The following VGLL3 variants were observed in gnomAD, a reference collection of about 807,000 sequenced individuals.
VGLL3 encodes the protein transcription cofactor vestigial-like protein 3.
A neutral mutation model predicts 29.2 loss-of-function variants in VGLL3; 18 were observed. The ratio of observed to expected loss-of-function variants is 0.62; its 90% CI spans 0.43 to 0.91. The LOEUF is 0.91. Ranked by LOEUF, VGLL3 falls within the 40% of genes least tolerant of loss-of-function variation. VGLL3 has a pLI of 0.00. For synonymous variants in VGLL3, 180 were observed against 151.8 expected (o/e 1.19, Z -1.36); for missense variants, 440 against 413.2 (o/e 1.06, Z -0.56).
chr3:86,947,796 T>G (rs1704536402), intron 3 of VGLL3, among the ~76,000 whole-genome samples: 1 of 152,042 alleles, frequency 6.6e-6, no homozygotes, highest in Admixed American at 6.6e-5. Context: ...ATAGATTAAT[T>G]CAAACTCAAA....
chr3:86,987,179 T>C (rs947874977), intron 1 of VGLL3, among the ~76,000 whole-genome samples: 2 of 152,196 alleles, frequency 1.3e-5, no homozygotes, highest in African/African-American at 4.8e-5. Flanking sequence ...ATCCATTTTC[T>C]CACTTGTAAA....
intron 3 of VGLL3, among the ~76,000 whole-genome samples, chr3:86,966,806 T>TATAG (rs1704974831): frequency 8.5e-6 from 1 of 117,838 alleles, no homozygotes; most frequent in African/African-American, 3.2e-5. Context: ...TATATATATA[T>TATAG]ATATATATAT....
At chr3:86,965,428 A>G (rs1704937779) in intron 3 of VGLL3, among the ~76,000 whole-genome samples, 1 of 152,010 alleles carries the variant, frequency 6.6e-6, no homozygotes, top group African/African-American at 2.4e-5. Flanking sequence ...ACACAGAGGG[A>G]CCCAACTTTC....
In VGLL3 at chr3:86,966,769, GTGTGTATATA is replaced by G. The variant is rs1396276285; in HGVS notation, c.937+1811_937+1820del. Among the ~76,000 whole-genome samples, 21 of 65,820 alleles carry G rather than the reference GTGTGTATATA, an allele frequency of 3.2e-4. 1 individual carries two copies. The highest frequency in any genetic ancestry group is 1.1e-3 in the African/African-American group (20 of 18,808). 43.2% of individuals were successfully genotyped at this position (65,820 alleles called of 152,430 possible). A position where few individuals can be genotyped will look rare whatever the true frequency, so the allele number is the denominator to read the frequency against. Reference sequence around the variant, plus strand: ...TTAAGAACTTAAAGTAATAGTGTGTGTGTGTATATATATATATATATATATATATATATAT... The same window carrying G: ...TTAAGAACTTAAAGTAATAGTGTGTGTATATATATATATATATATATATAT... On this transcript the variant is annotated intron_variant, in intron 3 of 3. Transcript: ENST00000398399.
chr3:86,957,365 A>C (rs1704745444), intron 3 of VGLL3, among the ~76,000 whole-genome samples: 2 of 152,250 alleles, frequency 1.3e-5, no homozygotes. Flanking sequence ...TGACAGATGC[A>C]TTCACAGCTT....
chr3:86,982,118 T>C (rs758552408), intron 1 of VGLL3, among the ~76,000 whole-genome samples: 2 of 152,154 alleles, frequency 1.3e-5, no homozygotes, highest in Non-Finnish European at 2.9e-5. Flanking sequence ...CTGTGTTCTG[T>C]TGACTGTAAA....
rs1270842774 is a variant in VGLL3 at position 86,940,177 on chromosome 3, G to T, written c.*6847C>A. The T allele has an allele frequency of 5.9e-5, 9 of 152,090 alleles. No homozygotes were observed. The allele number at this position is 152,090 out of a possible 1,614,324, so 9.4% of individuals were successfully genotyped here. A position where few individuals can be genotyped will look rare whatever the true frequency, so the allele number is the denominator to read the frequency against. On this transcript the variant is annotated 3_prime_UTR_variant, in exon 4 of 4. Transcript: ENST00000398399. ...AGATACGTGTAATAAGAAAATTGAAGGCCCACTTAGAGAAACTCTAGCTTT... is the reference window on the plus strand; with the variant it reads ...AGATACGTGTAATAAGAAAATTGAATGCCCACTTAGAGAAACTCTAGCTTT...
rs1048445563 is a variant in VGLL3, at chr3:86,978,521, C to A, written c.403+5G>T. On this transcript the variant is annotated splice_donor_5th_base_variant and intron_variant, in intron 2 of 3. Coordinates refer to ENST00000398399, the MANE Select transcript of VGLL3 (RefSeq NM_016206.4). ...CCTGGAGAACATCTGCTTTTGAATT[C>A]TTACCTCGCCATAGGGGGGTTAGCC... The A allele has an allele frequency of 3.1e-6, 5 of 1,612,920 alleles. No homozygotes were observed. The African/African-American group carries it at 6.7e-5, about 22-fold the overall frequency.
At chr3:86,984,262 A>T (rs989962077) in intron 1 of VGLL3, among the ~76,000 whole-genome samples, 1 of 152,236 alleles carries the variant, frequency 6.6e-6, no homozygotes, top group Non-Finnish European at 1.5e-5. Context: ...TTGACCAGTC[A>T]GTCTGTGAGA....
Position 86,944,418 on chromosome 3 carries a change from C to A in VGLL3, c.*2606G>T. The A allele has an allele frequency of 6.6e-6, 1 of 152,248 alleles. No individual in the cohort carries two copies. The highest frequency in any genetic ancestry group is 1.9e-4 in the East Asian group (1 of 5,186). The allele number at this position is 152,248 out of a possible 1,614,324, so 9.4% of individuals were successfully genotyped here. ...GCCCCACAATGCCCAGGTAATTTTT[C>A]AGAAATTTTTTGTAGGGATAGGGTC... On this transcript the variant is annotated 3_prime_UTR_variant, in exon 4 of 4. Coordinates refer to ENST00000398399, the MANE Select transcript of VGLL3 (RefSeq NM_016206.4).
At position 86,946,077 on chromosome 3, in the gene VGLL3, T is replaced by A. The variant is rs974718425; in HGVS notation, c.*947A>T. 6.6e-6 allele frequency: 1 copy of A among 152,162 alleles called. No homozygotes were observed. The highest frequency in any genetic ancestry group is 1.9e-4 in the East Asian group (1 of 5,192). The allele number at this position is 152,162 out of a possible 1,614,324, so 9.4% of individuals were successfully genotyped here. A position where few individuals can be genotyped will look rare whatever the true frequency, so the allele number is the denominator to read the frequency against. On this transcript the variant is annotated 3_prime_UTR_variant, in exon 4 of 4. Coordinates refer to ENST00000398399, the MANE Select transcript of VGLL3 (RefSeq NM_016206.4). ...AAGTCACTGGCACTCATAGGTGGCA[T>A]GGTTAAATGCATTTTTTTCCTTGTA...
Position 86,947,071 on chromosome 3 carries a change from G to T in VGLL3, c.938-4C>A, listed in dbSNP as rs908682458. ...CTCTTGTCTTGATGCTGTAGACCTGGAACAAATGACAATGGGGAAAAAATA... is the reference window on the plus strand; with the variant it reads ...CTCTTGTCTTGATGCTGTAGACCTGTAACAAATGACAATGGGGAAAAAATA... On this transcript the variant is annotated splice_polypyrimidine_tract_variant and splice_region_variant and intron_variant, in intron 3 of 3. Coordinates refer to ENST00000398399, the MANE Select transcript of VGLL3 (RefSeq NM_016206.4). 1 of 780,222 alleles carries T rather than the reference G, an allele frequency of 1.3e-6. No homozygotes were observed. The highest frequency in any genetic ancestry group is 1.7e-5 in the African/African-American group (1 of 59,204). 48.3% of individuals were successfully genotyped at this position (780,222 alleles called of 1,614,324 possible). A position where few individuals can be genotyped will look rare whatever the true frequency, so the allele number is the denominator to read the frequency against.
At chr3:86,988,209 C>T (rs948630090) in intron 1 of VGLL3, among the ~76,000 whole-genome samples, 2 of 152,048 alleles carry the variant, frequency 1.3e-5, no homozygotes, top group African/African-American at 4.8e-5. Context: ...TTCTTGATTG[C>T]TGTTACTTTT....
chr3:86,943,114 A>G lies in VGLL3; in HGVS notation c.*3910T>C, dbSNP rs1310862700. 6.6e-6 allele frequency: 1 copy of G among 152,188 alleles called. No homozygotes were observed. Among genetic ancestry groups the G allele is most frequent in the African/African-American group, 2.4e-5 (1 of 41,446 alleles). The allele number at this position is 152,188 out of a possible 1,614,324, so 9.4% of individuals were successfully genotyped here. A position where few individuals can be genotyped will look rare whatever the true frequency, so the allele number is the denominator to read the frequency against. ...ATAAATAAATGAAGCCCCAAACCACACATAAACTTTTGGCTAAACTAGAAT... is the reference window on the plus strand; with the variant it reads ...ATAAATAAATGAAGCCCCAAACCACGCATAAACTTTTGGCTAAACTAGAAT... On this transcript the variant is annotated 3_prime_UTR_variant, in exon 4 of 4. Coordinates refer to ENST00000398399, the MANE Select transcript of VGLL3 (RefSeq NM_016206.4).
chr3:86,968,524 C>A, intron 3 of VGLL3, 66 bp downstream of exon 3: 2 of 1,500,420 alleles, frequency 1.3e-6, no homozygotes, highest in Non-Finnish European at 1.8e-6. Context: ...AATTTCAAAA[C>A]AAATTTCCAC....
intron 3 of VGLL3, among the ~76,000 whole-genome samples, chr3:86,967,634 A>C (rs888071460): frequency 1.6e-4 from 25 of 152,200 alleles, no homozygotes; most frequent in Non-Finnish European, 7.3e-5. Flanking sequence ...GAAGGAAAGA[A>C]TTTCTTTAAG....
At chr3:86,984,092 G>A (rs1705386476) in intron 1 of VGLL3, among the ~76,000 whole-genome samples, 1 of 152,152 alleles carries the variant, frequency 6.6e-6, no homozygotes, top group Admixed American at 6.6e-5. Flanking sequence ...TAAAATTCAT[G>A]ACATTAAAAA....
At chr3:86,976,593 A>G (rs1313397061) in intron 2 of VGLL3, among the ~76,000 whole-genome samples, 1 of 152,122 alleles carries the variant, frequency 6.6e-6, no homozygotes, top group East Asian at 1.9e-4. Context: ...GCCTTTATTA[A>G]CCCTTTCTAT....
chr3:86,986,321 C>A (rs1025775678), intron 1 of VGLL3, among the ~76,000 whole-genome samples: 1 of 152,170 alleles, frequency 6.6e-6, no homozygotes, highest in East Asian at 1.9e-4. Context: ...AACACATCCT[C>A]ACTATGCATG....
Sources: allele counts gnomAD v4.1 joint callset (sites outside exome capture counted in the v4.1 genomes callset), GRCh38; gene constraint gnomAD v4.1.1; transcripts MANE v1.5; gene names NCBI Gene and HGNC (gene_info 2026-07-23, HGNC 2026-07-21).